The following UEVLD variants were observed in gnomAD, a reference collection of about 807,000 sequenced individuals.
UEVLD encodes the protein ubiquitin-conjugating enzyme E2 variant 3.
A neutral mutation model predicts 58.6 loss-of-function variants in UEVLD; 47 were observed. That is an observed-to-expected ratio of 0.80 (90% confidence interval 0.63 to 1.02). UEVLD has a LOEUF of 1.02. Among genes scored for constraint, UEVLD ranks in the 50% least tolerant of loss-of-function variants. UEVLD has a pLI of 0.00. For missense variants in UEVLD, 510 were observed against 550.6 expected (o/e 0.93, Z 0.74); for synonymous variants, 197 against 195.3 (o/e 1.01, Z -0.07).
At chr11:18,555,509 G>A (rs866925622) in intron 7 of UEVLD, among the ~76,000 whole-genome samples, 1 of 151,948 alleles carries the variant, frequency 6.6e-6, no homozygotes, top group Non-Finnish European at 1.5e-5. Context: ...AATCACTTGA[G>A]CCTGGTAGAT....
chr11:18,579,339 C>T (rs757525917), intron 1 of UEVLD: 2 of 515,224 alleles, frequency 3.9e-6, no homozygotes, highest in Non-Finnish European at 5.0e-6. Flanking sequence ...AAGTAACTTG[C>T]TGAGTCATAT....
At chr11:18,545,038 ATATC>A (rs1314976692) in intron 8 of UEVLD, among the ~76,000 whole-genome samples, 3 of 105,856 alleles carry the variant, frequency 2.8e-5, no homozygotes, top group African/African-American at 7.1e-5. Flanking sequence ...ATGTGTGTGT[ATATC>A]TATCTATATC....
intron 3 of UEVLD, among the ~76,000 whole-genome samples, chr11:18,573,467 G>A (rs917521745): frequency 6.6e-6 from 1 of 152,186 alleles, no homozygotes; most frequent in Non-Finnish European, 1.5e-5. Flanking sequence ...AAGGGGAACA[G>A]GTCTGAGTAA....
intron 9 of UEVLD, among the ~76,000 whole-genome samples, chr11:18,538,648 C>T (rs943543778): frequency 7.8e-6 from 1 of 127,542 alleles, no homozygotes; most frequent in Non-Finnish European, 1.7e-5. Context: ...GTGTTGGGTA[C>T]ACAATCGAGG....
intron 9 of UEVLD, among the ~76,000 whole-genome samples, chr11:18,539,807 A>G (rs1223465082): frequency 6.6e-6 from 1 of 152,324 alleles, no homozygotes; most frequent in South Asian, 2.1e-4. Context: ...ACTAGCATAG[A>G]ATGCCTGGGA....
At chr11:18,536,903 T>TC (rs1850822900) in intron 9 of UEVLD, 1 of 192,402 alleles carries the variant, frequency 5.2e-6, no homozygotes, top group Admixed American at 5.9e-5. Context: ...TCCTTTTTTT[T>TC]TTTTTTTTTT....
At chr11:18,552,733 C>T (rs1851582082) in intron 7 of UEVLD, among the ~76,000 whole-genome samples, 2 of 151,580 alleles carry the variant, frequency 1.3e-5, no homozygotes, top group Non-Finnish European at 2.9e-5. Context: ...TGGTGGCACA[C>T]AATTGTAATC....
chr11:18,539,352 C>T (rs2133962334), intron 9 of UEVLD, among the ~76,000 whole-genome samples: 1 of 152,006 alleles, frequency 6.6e-6, no homozygotes, highest in East Asian at 1.9e-4. Flanking sequence ...TAGGCATGAG[C>T]CACTGCACCC....
intron 9 of UEVLD, among the ~76,000 whole-genome samples, chr11:18,540,622 C>T (rs975874357): frequency 1.8e-4 from 28 of 152,236 alleles, no homozygotes; most frequent in African/African-American, 5.8e-4. Context: ...TGGATTCATA[C>T]GTGCTCAGTT....
chr11:18,540,679 C>T (rs1228573869), intron 9 of UEVLD, among the ~76,000 whole-genome samples: 2 of 152,296 alleles, frequency 1.3e-5, no homozygotes, highest in South Asian at 2.1e-4. Context: ...CATAATACTA[C>T]ATTTATGTGA....
At chr11:18,572,580 G>A (rs1287300626) in intron 3 of UEVLD, among the ~76,000 whole-genome samples, 4 of 152,188 alleles carry the variant, frequency 2.6e-5, no homozygotes, top group East Asian at 1.9e-4. Flanking sequence ...AGAGGCGGGC[G>A]GATCACCAGA....
chr11:18,541,879 C>T (rs1387827344), intron 9 of UEVLD, among the ~76,000 whole-genome samples: 1 of 152,140 alleles, frequency 6.6e-6, no homozygotes, highest in Non-Finnish European at 1.5e-5. Flanking sequence ...GGTGCTAGTC[C>T]TTTGACCCTA....
intron 1 of UEVLD, among the ~76,000 whole-genome samples, chr11:18,584,182 C>A (rs1292753459): frequency 6.6e-6 from 1 of 152,092 alleles, no homozygotes. Context: ...AGTTTTGAGA[C>A]CAGCCTGGGC....
In UEVLD at chr11:18,532,343, G is replaced by C. The variant is rs199745123; in HGVS notation, c.1393C>G (p.Leu465Val). ...LQSSASSIHS[L>V]QQQLKL ...AATCAAAGTTTTAACTGTTGTTGGAGACTGTGGATTGAGGATGCACTGCTT... is the reference window on the plus strand; with the variant it reads ...AATCAAAGTTTTAACTGTTGTTGGACACTGTGGATTGAGGATGCACTGCTT... The change falls in exon 12 of 12, where the codon CTC (leucine) becomes GTC (valine). Residue 465 changes from leucine to valine, a missense_variant. Transcript: ENST00000396197. The C allele has an allele frequency of 1.2e-6, 2 of 1,609,746 alleles. No individual in the cohort carries two copies. Among genetic ancestry groups the C allele is most frequent in the East Asian group, 2.2e-5 (1 of 44,692 alleles).
At chr11:18,543,543 T>C (rs890018298) in intron 9 of UEVLD, among the ~76,000 whole-genome samples, 4 of 152,212 alleles carry the variant, frequency 2.6e-5, no homozygotes, top group African/African-American at 9.6e-5. Flanking sequence ...ATGGCCTTTA[T>C]AGAATTTTCT....
chr11:18,538,200 G>A (rs1590309354), intron 9 of UEVLD, among the ~76,000 whole-genome samples: 1 of 152,086 alleles, frequency 6.6e-6, no homozygotes, highest in South Asian at 2.1e-4. Context: ...GTATCCAGAT[G>A]CCTCCCTTCC....
intron 7 of UEVLD, among the ~76,000 whole-genome samples, chr11:18,554,293 T>C (rs561377569): frequency 3.4e-4 from 52 of 152,202 alleles, no homozygotes; most frequent in Non-Finnish European, 5.6e-4. Flanking sequence ...GGTTTCTCCA[T>C]GTTGGTCAGG....
chr11:18,563,590 A>G, intron 6 of UEVLD: 1 of 808,194 alleles, frequency 1.2e-6, no homozygotes, highest in South Asian at 5.7e-5. Flanking sequence ...GACCCTGTCT[A>G]AATAAAATAA....
At chr11:18,569,254 G>A (rs1852466435) in intron 4 of UEVLD, among the ~76,000 whole-genome samples, 1 of 152,060 alleles carries the variant, frequency 6.6e-6, no homozygotes, top group Admixed American at 6.6e-5. Context: ...ACAAAAATGA[G>A]AGAATACTAT....
Sources: allele counts gnomAD v4.1 joint callset (sites outside exome capture counted in the v4.1 genomes callset), GRCh38; gene constraint gnomAD v4.1.1; transcripts MANE v1.5; gene names NCBI Gene and HGNC (gene_info 2026-07-23, HGNC 2026-07-21).